The following DNMT3B variants were observed in gnomAD, a reference collection of about 807,000 sequenced individuals.
DNMT3B encodes DNA methyltransferase 3 beta, also known as DNA (cytosine-5)-methyltransferase 3B.
DNMT3B carries 37 observed loss-of-function variants against 120.2 expected under a neutral mutation model. The observed-to-expected ratio is 0.31, with a 90% confidence interval of 0.24 to 0.40. The LOEUF (loss-of-function observed/expected upper bound fraction) is 0.40, where lower values mean the gene tolerates loss of function less well. Among genes scored for constraint, DNMT3B ranks in the 10% least tolerant of loss-of-function variants. The pLI, the probability that DNMT3B is intolerant of heterozygous loss-of-function variation, is 1.00. For missense variants in DNMT3B, 878 were observed against 1,137.3 expected (o/e 0.77, Z 3.28); for synonymous variants, 412 against 442.8 (o/e 0.93, Z 0.87).
chr20:32,796,296 A>C, intron 12 of DNMT3B, among the ~76,000 whole-genome samples: 1 of 152,092 alleles, frequency 6.6e-6, no homozygotes, highest in Admixed American at 6.6e-5. Flanking sequence ...GGGTTTTATA[A>C]AGGTCCTATC....
chr20:32,796,691 TG>T, intron 12 of DNMT3B, 98 bp from the exon 13 acceptor site: 1 of 1,331,040 alleles, frequency 7.5e-7, no homozygotes, highest in Non-Finnish European at 1.1e-6. Flanking sequence ...GGCAAGCTGC[TG>T]GCCTGGAGGG....
At chr20:32,789,696 C>T (rs978716891) in intron 7 of DNMT3B, among the ~76,000 whole-genome samples, 2 of 152,182 alleles carry the variant, frequency 1.3e-5, no homozygotes, top group Admixed American at 1.3e-4. Flanking sequence ...CAGGTTCAAA[C>T]AATTCTCCTG....
chr20:32,795,749 C>T, intron 12 of DNMT3B, 55 bp downstream of exon 12: 3 of 1,605,336 alleles, frequency 1.9e-6, no homozygotes, highest in Non-Finnish European at 2.6e-6. Flanking sequence ...GGGCTCTAGG[C>T]CTGCCTTGTC....
chr20:32,792,849 G>A (rs1432952080), intron 9 of DNMT3B, 79 bp downstream of exon 9: 2 of 1,588,998 alleles, frequency 1.3e-6, no homozygotes, highest in East Asian at 4.5e-5. Flanking sequence ...CACCCCTGCT[G>A]CCCCACACCC....
intron 20 of DNMT3B, among the ~76,000 whole-genome samples, chr20:32,803,034 C>A (rs17123658): frequency 0.38 from 58,371 of 151,902 alleles, 12,653 homozygotes; most frequent in East Asian, 0.92. Context: ...GGAGATGAAG[C>A]GATCTTGGCC....
chr20:32,796,851 G>A lies in DNMT3B; in HGVS notation c.1359G>A (p.Gly453=), dbSNP rs35216603. 1,969 of 1,614,146 alleles carry A rather than the reference G, an allele frequency of 1.2e-3. 17 individuals are homozygous for A. The African/African-American group carries it at 0.022, about 18-fold the overall frequency. The change falls in exon 13 of 23, where the codon GGG becomes GGA. Residue 453 remains glycine, a synonymous_variant. Coordinates refer to ENST00000328111, the MANE Select transcript of DNMT3B (RefSeq NM_006892.4). ...PVSFHPLFEG[G]LCQTCRDRFL... is the part of the protein sequence containing the mutation. ...CCTTCCACCCTCTCTTTGAGGGGGGGCTCTGTCAGACATGCCGGGTAAGTC... is the reference window on the plus strand; with the variant it reads ...CCTTCCACCCTCTCTTTGAGGGGGGACTCTGTCAGACATGCCGGGTAAGTC...
rs140395707 is a variant in DNMT3B, at chr20:32,787,365, C to T, written c.568C>T (p.Arg190Cys). The change falls in exon 6 of 23, where the codon CGC becomes TGC. Residue 190 changes from arginine to cysteine, a missense_variant. Transcript: ENST00000328111. ...TPQSSSTPYA[R>C]LAQDSQQGGM... ...CCAGAGCAGCAGTACCCCCTACGCC[C>T]GCCTAGCCCAGGACAGCCAGCAGGG... The T allele has an allele frequency of 8.3e-5, 134 of 1,614,086 alleles. No individual in the cohort carries two copies. Among genetic ancestry groups the T allele is most frequent in the African/African-American group, 1.9e-4 (14 of 74,926 alleles).
chr20:32,788,305 G>C (rs1568841591), intron 6 of DNMT3B, among the ~76,000 whole-genome samples: 1 of 152,152 alleles, frequency 6.6e-6, no homozygotes, highest in Non-Finnish European at 1.5e-5. Flanking sequence ...TTAAGAACTA[G>C]AGTTGCCTGA....
At chr20:32,789,999 C>CT (rs1979781229) in intron 7 of DNMT3B, among the ~76,000 whole-genome samples, 1 of 152,178 alleles carries the variant, frequency 6.6e-6, no homozygotes, top group Non-Finnish European at 1.5e-5. Context: ...TGCCTAAGGT[C>CT]ATTGGGCAAG....
chr20:32,798,251 A>G (rs983123081), intron 14 of DNMT3B, among the ~76,000 whole-genome samples: 1 of 152,202 alleles, frequency 6.6e-6, no homozygotes, highest in Non-Finnish European at 1.5e-5. Flanking sequence ...TTCTGATCAG[A>G]GAGCCTGTGG....
At chr20:32,803,730 G>T (rs950871611) in intron 20 of DNMT3B, among the ~76,000 whole-genome samples, 3 of 152,166 alleles carry the variant, frequency 2.0e-5, no homozygotes, top group African/African-American at 4.8e-5. Flanking sequence ...TACTCCAGGT[G>T]GGAAGAGGGT....
intron 1 of DNMT3B, among the ~76,000 whole-genome samples, chr20:32,778,738 A>T (rs1266317082): frequency 6.6e-6 from 1 of 152,160 alleles, no homozygotes; most frequent in Non-Finnish European, 1.5e-5. Context: ...AGGTGGGAGG[A>T]TCCCTTGAGG....
intron 10 of DNMT3B, 106 bp downstream of exon 10, chr20:32,793,701 T>A: frequency 7.6e-7 from 1 of 1,311,954 alleles, no homozygotes; most frequent in Non-Finnish European, 1.1e-6. Context: ...TCTTGAAAAG[T>A]CAATCTGAAC....
chr20:32,792,681 A>C lies in DNMT3B; in HGVS notation c.977A>C (p.Glu326Ala), dbSNP rs368635669. ...CCCAGCAGCCCTGGAGACTCATTGG[A>C]GGACCAGCTGAAGCCCATGTTGGAG... ...TFPSSPGDSL[E>A]DQLKPMLEWA... The change falls in exon 9 of 23, where the codon GAG becomes GCG. Residue 326 changes from glutamate to alanine, a missense_variant. Glu to Ala is a moderately radical substitution (Grantham distance 107). Around this residue, in one of 4 missense-constraint regions of DNMT3B, gnomAD observed 207 missense variants for 222.6 expected, o/e 0.93. Transcript: ENST00000328111. 6.2e-6 allele frequency: 10 copies of C among 1,614,102 alleles called. No individual in the cohort carries two copies. Among genetic ancestry groups the C allele is most frequent in the African/African-American group, 2.7e-5 (2 of 74,942 alleles).
At chr20:32,804,383 G>A (rs527844108) in intron 20 of DNMT3B, among the ~76,000 whole-genome samples, 1 of 152,322 alleles carries the variant, frequency 6.6e-6, no homozygotes, top group East Asian at 1.9e-4. Flanking sequence ...GATAGAGGTA[G>A]CATTTGAAGC....
At position 32,789,335 on chromosome 20, in the gene DNMT3B, A is replaced by G. The variant is rs75723428; in HGVS notation, c.813+323A>G. Among the ~76,000 whole-genome samples the G allele has an allele frequency of 5.9e-5, 9 of 152,340 alleles. No homozygotes were observed. The East Asian group carries it at 1.5e-3, about 26-fold the overall frequency. On this transcript the variant is annotated intron_variant, in intron 7 of 22. Transcript: ENST00000328111. ...CGTGAGCAAGTACCCAAAAGTGTTC[A>G]GTGGAGAAGCCTGGAAGAGACCGGA...
Position 32,780,388 on chromosome 20 carries a change from T to C in DNMT3B, c.65T>C (p.Leu22Pro). 3 of 1,613,836 alleles carry C rather than the reference T, an allele frequency of 1.9e-6. No individual in the cohort carries two copies. Among genetic ancestry groups the C allele is most frequent in the Non-Finnish European group, 2.5e-6 (3 of 1,179,978 alleles). ...EDAGGREDSI[L>P]VNGACSDQSS... ...GCCGGCGGGAGGGAAGACTCGATCCTCGTCAACGGGGCCTGCAGCGACCAG... is the reference window on the plus strand; with the variant it reads ...GCCGGCGGGAGGGAAGACTCGATCCCCGTCAACGGGGCCTGCAGCGACCAG... The change falls in exon 2 of 23, where the codon CTC (leucine) becomes CCC (proline). Residue 22 changes from leucine (L) to proline (P), a missense_variant. By Grantham distance (98) the Leu-to-Pro change is moderately conservative. Transcript: ENST00000328111.
chr20:32,774,016 CAG>C (rs1377931052), intron 1 of DNMT3B, among the ~76,000 whole-genome samples: 1 of 127,682 alleles, frequency 7.8e-6, no homozygotes, highest in East Asian at 2.6e-4. Context: ...CCTTATCAGA[CAG>C]AGCAAAAGCA....
intron 3 of DNMT3B, among the ~76,000 whole-genome samples, chr20:32,783,912 A>ATTTTT (rs3080495): frequency 7.4e-6 from 1 of 134,308 alleles, no homozygotes; most frequent in African/African-American, 2.7e-5. Flanking sequence ...TTGTATTTGT[A>ATTTTT]TTTTTTTTTT....
Sources: allele counts gnomAD v4.1 joint callset (sites outside exome capture counted in the v4.1 genomes callset), GRCh38; gene constraint gnomAD v4.1.1; regional missense constraint gnomAD v4.1.1; transcripts MANE v1.5; gene names NCBI Gene and HGNC (gene_info 2026-07-23, HGNC 2026-07-21).